DNAH11: variants seen among roughly 807,000 people sequenced by gnomAD.
DNAH11 encodes the protein axonemal beta dynein heavy chain 11.
In DNAH11, 442 loss-of-function variants were observed where a neutral mutation model predicts 526.0. That is an observed-to-expected ratio of 0.84 (90% CI 0.78 to 0.91). The LOEUF (loss-of-function observed/expected upper bound fraction) is 0.91, where lower values mean the gene tolerates loss of function less well. Ranked by LOEUF, DNAH11 falls within the 40% of genes least tolerant of loss-of-function variation. The pLI, the probability that DNAH11 is intolerant of heterozygous loss-of-function variation, is 0.00. For missense variants in DNAH11, 6,989 were observed against 5,448.7 expected (o/e 1.28, Z -8.90); for synonymous variants, 2,461 against 1,935.9 (o/e 1.27, Z -7.12).
intron 9 of DNAH11, among the ~76,000 whole-genome samples, chr7:21,587,182 CAA>C (rs1418963511): frequency 3.9e-5 from 6 of 152,162 alleles, no homozygotes; most frequent in Non-Finnish European, 7.3e-5. Context: ...GTAAACAAGA[CAA>C]GAGACTAATG....
At chr7:21,758,601 G>A (rs1295049093) in intron 54 of DNAH11, among the ~76,000 whole-genome samples, 1 of 152,050 alleles carries the variant, frequency 6.6e-6, no homozygotes, top group Non-Finnish European at 1.5e-5. Context: ...GAGAGATAAA[G>A]GTTATGTAAG....
At chr7:21,583,409 C>T (rs1436491191) in intron 9 of DNAH11, among the ~76,000 whole-genome samples, 1 of 152,172 alleles carries the variant, frequency 6.6e-6, no homozygotes. Context: ...AACTGGACCT[C>T]TTCCTTACAC....
chr7:21,900,688 G>T (rs1186610561), intron 81 of DNAH11, among the ~76,000 whole-genome samples: 1 of 152,198 alleles, frequency 6.6e-6, no homozygotes, highest in Non-Finnish European at 1.5e-5. Flanking sequence ...GGGAGGAAAT[G>T]TGGTGAACTG....
At chr7:21,728,606 C>T (rs1449874912) in intron 45 of DNAH11, among the ~76,000 whole-genome samples, 1 of 152,010 alleles carries the variant, frequency 6.6e-6, no homozygotes, top group Non-Finnish European at 1.5e-5. Flanking sequence ...AACTCTAAGT[C>T]CCAAATATAA....
At chr7:21,770,240 A>G (rs1787375295) in intron 55 of DNAH11, among the ~76,000 whole-genome samples, 1 of 152,224 alleles carries the variant, frequency 6.6e-6, no homozygotes, top group Non-Finnish European at 1.5e-5. Flanking sequence ...TTGCATTTAC[A>G]TAATGAGATA....
At chr7:21,881,176 A>G (rs1374258997) in intron 75 of DNAH11, among the ~76,000 whole-genome samples, 1 of 152,256 alleles carries the variant, frequency 6.6e-6, no homozygotes, top group African/African-American at 2.4e-5. Context: ...AGTGGTTTAC[A>G]TGTGCGTATA....
intron 61 of DNAH11, among the ~76,000 whole-genome samples, chr7:21,793,157 C>T (rs1788549432): frequency 6.6e-6 from 1 of 152,072 alleles, no homozygotes. Context: ...TTTAATTTTC[C>T]TGTGTTCGTA....
chr7:21,731,100 C>A (rs570181381), intron 45 of DNAH11, among the ~76,000 whole-genome samples: 3 of 151,662 alleles, frequency 2.0e-5, no homozygotes, highest in Non-Finnish European at 2.9e-5. Flanking sequence ...GCCGAGAGTG[C>A]GCTATTGGAC....
chr7:21,597,513 A>C (rs1784903453), intron 14 of DNAH11, among the ~76,000 whole-genome samples: 1 of 152,222 alleles, frequency 6.6e-6, no homozygotes, highest in African/African-American at 2.4e-5. Context: ...GGGAGGCCTC[A>C]GGAAACTTAC....
chr7:21,581,971 A>G lies in DNAH11; in HGVS notation c.1660A>G (p.Ile554Val), dbSNP rs1784324508. 1 of 1,613,390 alleles carries G rather than the reference A, an allele frequency of 6.2e-7. No homozygotes were observed. The highest frequency in any genetic ancestry group is 8.5e-7 in the Non-Finnish European group (1 of 1,179,496). Reference protein sequence around the residue: ...TLEFDRRLGTIICEAFFNCNG... With the variant: ...TLEFDRRLGTVICEAFFNCNG... ...GGAATTTGACAGAAGGCTTGGGACA[A>G]TTATTTGTGAAGCTTTCTTTAACTG... is the stretch of plus-strand genomic sequence containing the variant. The change falls in exon 9 of 82, where the codon ATT (isoleucine) becomes GTT (valine). Residue 554 changes from isoleucine (I) to valine (V), a missense_variant. Physicochemically the swap from Ile to Val is conservative, Grantham distance 29 (BLOSUM62 3). Coordinates refer to ENST00000409508, the MANE Select transcript of DNAH11 (RefSeq NM_001277115.2).
intron 65 of DNAH11, among the ~76,000 whole-genome samples, chr7:21,832,748 T>C (rs1449404095): frequency 6.6e-6 from 1 of 152,200 alleles, no homozygotes; most frequent in Non-Finnish European, 1.5e-5. Context: ...AGTGGACAAA[T>C]GGCCTGTTTT....
intron 26 of DNAH11, 115 bp from the exon 27 acceptor site, chr7:21,637,496 A>T (rs779860330): frequency 2.2e-5 from 16 of 738,028 alleles, no homozygotes; most frequent in Non-Finnish European, 3.6e-5. Context: ...TCTTAGAAGT[A>T]TCTTTGACCT....
At position 21,559,622 on chromosome 7, in the gene DNAH11, A is replaced by G. The variant is rs764129443; in HGVS notation, c.712A>G (p.Ile238Val). Residue 238 changes from isoleucine to valine, a missense_variant, in exon 4 of 82, where the codon ATA becomes GTA. Transcript: ENST00000409508. ...TTGTAGGCCACCGTCAAACGAAAGG[A>G]TAATACTTCATGCAATTGAATCTGT... The part of the protein sequence containing the change: ...SENKPPSNER[I>V]ILHAIESVVI... The G allele has an allele frequency of 6.2e-7, 1 of 1,609,776 alleles. No individual in the cohort carries two copies. Among genetic ancestry groups the G allele is most frequent in the Non-Finnish European group, 8.5e-7 (1 of 1,178,036 alleles).
At position 21,872,123 on chromosome 7, in the gene DNAH11, CAAAAAAAA is replaced by C. The variant is rs776718319; in HGVS notation, c.11968-1132_11968-1125del. Among the ~76,000 whole-genome samples the C allele has an allele frequency of 7.5e-4, 23 of 30,832 alleles. 1 individual carries two copies. Among genetic ancestry groups the C allele is most frequent in the Admixed American group, 3.9e-3 (6 of 1,522 alleles). 20.2% of individuals were successfully genotyped at this position (30,832 alleles called of 152,430 possible). A position where few individuals can be genotyped will look rare whatever the true frequency, so the allele number is the denominator to read the frequency against. On this transcript the variant is annotated intron_variant, in intron 73 of 81. Coordinates refer to ENST00000409508, the MANE Select transcript of DNAH11 (RefSeq NM_001277115.2). ...TGGGTGACAGAGCGAGACTCTGTCT[CAAAAAAAA>C]AAAAAAAAAAAAAAAAAACCTTCAT... is the stretch of plus-strand genomic sequence containing the variant.
rs115450535 is a variant in DNAH11, at chr7:21,561,506, G to A, written c.982+336G>A. The A allele has an allele frequency of 8.4e-3, 1,624 of 192,254 alleles. 27 individuals are homozygous for A. Among genetic ancestry groups the A allele is most frequent in the African/African-American group, 0.036 (1,540 of 42,374 alleles). The allele number at this position is 192,254 out of a possible 1,614,324, so 11.9% of individuals were successfully genotyped here. ...CAATCAACAGATTGGGCTATGGTGAGTCTAGTTATTCATCAGTTCAGTTCT... is the reference window on the plus strand; with the variant it reads ...CAATCAACAGATTGGGCTATGGTGAATCTAGTTATTCATCAGTTCAGTTCT... On this transcript the variant is annotated intron_variant, in intron 5 of 81. Coordinates refer to ENST00000409508, the MANE Select transcript of DNAH11 (RefSeq NM_001277115.2).
intron 80 of DNAH11, 40 bp downstream of exon 80, chr7:21,899,488 C>A: frequency 6.7e-7 from 1 of 1,485,458 alleles, no homozygotes. Context: ...GCACACAGGA[C>A]CACAGCCTAA....
intron 2 of DNAH11, among the ~76,000 whole-genome samples, chr7:21,551,687 C>T (rs148036575): frequency 2.0e-5 from 3 of 152,276 alleles, no homozygotes; most frequent in Non-Finnish European, 2.9e-5. Flanking sequence ...TCACATGGGA[C>T]GACCTATCCA....
At chr7:21,868,792 A>T in intron 72 of DNAH11, 72 bp from the exon 73 acceptor site, 3 of 1,589,972 alleles carry the variant, frequency 1.9e-6, no homozygotes, top group Non-Finnish European at 1.7e-6. Flanking sequence ...TGTGCATTAG[A>T]CCACAGAATT....
At chr7:21,880,578 T>A (rs1783879724) in intron 74 of DNAH11, 124 bp from the exon 75 acceptor site, 1 of 924,006 alleles carries the variant, frequency 1.1e-6, no homozygotes. Context: ...TAAGTAGCCA[T>A]GCTGAAGACT....
Sources: allele counts gnomAD v4.1 joint callset (sites outside exome capture counted in the v4.1 genomes callset), GRCh38; gene constraint gnomAD v4.1.1; transcripts MANE v1.5; gene names NCBI Gene and HGNC (gene_info 2026-07-23, HGNC 2026-07-21).